The following CATSPERB variants were observed in gnomAD, a reference collection of about 807,000 sequenced individuals.
CATSPERB encodes catsper channel auxiliary subunit beta.
CATSPERB carries 93 observed loss-of-function variants against 128.3 expected under a neutral mutation model. The ratio of observed to expected loss-of-function variants is 0.72; its 90% CI spans 0.61 to 0.86. The LOEUF is 0.86. CATSPERB is among the 40% of genes least tolerant of loss of function. The pLI, the probability that CATSPERB is intolerant of heterozygous loss-of-function variation, is 0.00. For synonymous variants in CATSPERB, 381 were observed against 448.8 expected, an observed-to-expected ratio of 0.85 and a Z score of 1.91; for missense variants, 1,153 against 1,329.5, an observed-to-expected ratio of 0.87 and a Z score of 2.06.
At chr14:91,650,386 G>A (rs1486599030) in intron 15 of CATSPERB, among the ~76,000 whole-genome samples, 2 of 152,164 alleles carry the variant, frequency 1.3e-5, no homozygotes, top group Non-Finnish European at 2.9e-5. Context: ...ACCATAATTT[G>A]TTGTAGAAGA....
chr14:91,585,083 C>G (rs1340571108), intron 26 of CATSPERB, among the ~76,000 whole-genome samples: 1 of 151,936 alleles, frequency 6.6e-6, no homozygotes, highest in African/African-American at 2.4e-5. Context: ...GTGGCATGAT[C>G]TCAGCTCACC....
At chr14:91,609,420 A>G (rs1418883295) in intron 21 of CATSPERB, among the ~76,000 whole-genome samples, 1 of 152,208 alleles carries the variant, frequency 6.6e-6, no homozygotes, top group Admixed American at 6.5e-5. Flanking sequence ...TTAAAGGAAT[A>G]CTGGCAACAT....
chr14:91,663,810 T>C (rs1185489015), intron 14 of CATSPERB, among the ~76,000 whole-genome samples: 1 of 152,214 alleles, frequency 6.6e-6, no homozygotes, highest in African/African-American at 2.4e-5. Flanking sequence ...ATAAACTTTA[T>C]CATGTTATCC....
chr14:91,644,677 C>T (rs1426503672), intron 15 of CATSPERB, among the ~76,000 whole-genome samples: 1 of 50,532 alleles, frequency 2.0e-5, no homozygotes, highest in Admixed American at 2.2e-4. Context: ...GTGAATCTGA[C>T]AATTATGTGT....
In CATSPERB at chr14:91,591,916, A is replaced by C; in HGVS notation, c.2796T>G (p.Val932=). ...CTTTTTCCCTGCAATCCGAGAAAGC[A>C]ACAGCATGTGAAAACTTCTGATCCT... ...CTKDQKFSHA[V]AFSDCREKVP... is the part of the protein sequence containing the mutation. The change falls in exon 23 of 27, where the codon GTT becomes GTG. Residue 932 remains valine (V), a synonymous_variant. Coordinates refer to ENST00000256343, the MANE Select transcript of CATSPERB (RefSeq NM_024764.4). 1 of 1,613,510 alleles carries C rather than the reference A, an allele frequency of 6.2e-7. No homozygotes were observed.
chr14:91,728,510 A>T (rs1257420496), intron 2 of CATSPERB, among the ~76,000 whole-genome samples: 1 of 152,170 alleles, frequency 6.6e-6, no homozygotes, highest in Non-Finnish European at 1.5e-5. Context: ...TATCAACAGG[A>T]TCTTCTGGGC....
At chr14:91,664,972 C>T (rs1164447765) in intron 14 of CATSPERB, among the ~76,000 whole-genome samples, 2 of 152,178 alleles carry the variant, frequency 1.3e-5, no homozygotes, top group Non-Finnish European at 2.9e-5. Context: ...TAACTGCAAC[C>T]TCTACCTCCC....
At chr14:91,688,312 A>G (rs77390573) in intron 10 of CATSPERB, among the ~76,000 whole-genome samples, 1,586 of 152,290 alleles carry the variant, frequency 0.01, 7 homozygotes, top group African/African-American at 0.015. Context: ...AACAAAATCT[A>G]ATACCAGTGA....
chr14:91,671,247 T>C (rs1230316959), intron 13 of CATSPERB, among the ~76,000 whole-genome samples: 1 of 151,980 alleles, frequency 6.6e-6, no homozygotes, highest in Non-Finnish European at 1.5e-5. Context: ...GAAAGACCAC[T>C]CATACCTAGA....
At position 91,639,158 on chromosome 14, in the gene CATSPERB, C is replaced by A; in HGVS notation, c.1525G>T (p.Gly509Cys). 2 of 1,613,930 alleles carry A rather than the reference C, an allele frequency of 1.2e-6. No individual in the cohort carries two copies. Among genetic ancestry groups the A allele is most frequent in the Non-Finnish European group, 1.7e-6 (2 of 1,179,972 alleles). ...GGTGGTCCACTAGCTTCAAAGCGAC[C>A]CAGAGTCAGCTTATGTAGGAATCCC... Reference protein sequence around the residue: ...HLGFLHKLTLGRFEASGPPTA... With the variant: ...HLGFLHKLTLCRFEASGPPTA... Residue 509 changes from glycine to cysteine, a missense_variant, in exon 16 of 27, where the codon GGT becomes TGT. By Grantham distance (159) the Gly-to-Cys change is radical (BLOSUM62 -3). Coordinates refer to ENST00000256343, the MANE Select transcript of CATSPERB (RefSeq NM_024764.4).
chr14:91,686,121 C>A (rs1295335796), intron 10 of CATSPERB, among the ~76,000 whole-genome samples: 1 of 152,126 alleles, frequency 6.6e-6, no homozygotes, highest in Non-Finnish European at 1.5e-5. Flanking sequence ...GCTTTAATCA[C>A]CCTATTTAAA....
At chr14:91,610,434 C>T (rs750478848) in intron 21 of CATSPERB, 46 bp downstream of exon 21, 32 of 1,516,658 alleles carry the variant, frequency 2.1e-5, no homozygotes, top group Non-Finnish European at 2.8e-5. Flanking sequence ...ACAAAAGTCA[C>T]ATAGCATTGC....
At chr14:91,602,349 T>A (rs1052278409) in intron 22 of CATSPERB, among the ~76,000 whole-genome samples, 3 of 152,206 alleles carry the variant, frequency 2.0e-5, no homozygotes, top group Non-Finnish European at 4.4e-5. Flanking sequence ...AAGTTTGTTT[T>A]TAAAGTGCTC....
At chr14:91,635,166 G>A (rs989157662) in intron 17 of CATSPERB, among the ~76,000 whole-genome samples, 1 of 152,012 alleles carries the variant, frequency 6.6e-6, no homozygotes, top group Admixed American at 6.5e-5. Flanking sequence ...CATGAGGGCA[G>A]AGTCCTCATG....
Position 91,632,983 on chromosome 14 carries a change from C to T in CATSPERB, c.1742+3442G>A, listed in dbSNP as rs946160957. ...GAGCCAAAGCCAAGAGAAATTTGTACAAACAGACCTTGTTAAACTAACCCT... is the reference window on the plus strand; with the variant it reads ...GAGCCAAAGCCAAGAGAAATTTGTATAAACAGACCTTGTTAAACTAACCCT... On this transcript the variant is annotated intron_variant, in intron 17 of 26. Transcript: ENST00000256343. Among the ~76,000 whole-genome samples the T allele has an allele frequency of 3.3e-5, 5 of 152,156 alleles. No homozygotes were observed. In the South Asian group the frequency reaches 1.0e-3, roughly 32 times the overall value.
intron 17 of CATSPERB, among the ~76,000 whole-genome samples, chr14:91,632,059 G>A (rs1478337525): frequency 2.6e-5 from 4 of 151,674 alleles, no homozygotes; most frequent in Admixed American, 2.0e-4. Flanking sequence ...AGAAAAAGGT[G>A]GGACAAATAG....
Position 91,636,409 on chromosome 14 carries a change from A to T in CATSPERB, c.1742+16T>A. ...CTAGAAACCAATATGCCATCTAAAT[A>T]AATGCATATCACTACCCAGAGTGTA... On this transcript the variant is annotated intron_variant, in intron 17 of 26. Coordinates refer to ENST00000256343, the MANE Select transcript of CATSPERB (RefSeq NM_024764.4). 6.2e-7 allele frequency: 1 copy of T among 1,608,192 alleles called. No individual in the cohort carries two copies. Among genetic ancestry groups the T allele is most frequent in the Non-Finnish European group, 8.5e-7 (1 of 1,176,404 alleles).
At chr14:91,604,841 T>A (rs1207141291) in intron 22 of CATSPERB, 51 of 1,505,874 alleles carry the variant, frequency 3.4e-5, no homozygotes, top group Non-Finnish European at 4.5e-5. Context: ...ATTGCTATTC[T>A]TTGGCCAGTT....
chr14:91,591,439 A>G (rs554099045), intron 23 of CATSPERB, among the ~76,000 whole-genome samples: 1 of 152,026 alleles, frequency 6.6e-6, no homozygotes, highest in South Asian at 2.1e-4. Flanking sequence ...TCTCTTAACC[A>G]ACATATTACA....
Sources: gnomAD v4.1 joint callset for allele counts (sites outside exome capture counted in the v4.1 genomes callset) on GRCh38, gnomAD v4.1.1 for gene constraint, MANE v1.5 for transcripts, NCBI Gene and HGNC (gene_info 2026-07-23, HGNC 2026-07-21) for gene names.